The following SECISBP2 variants were observed in gnomAD, a reference collection of about 807,000 sequenced individuals.
The protein encoded by SECISBP2 is selenocysteine insertion sequence-binding protein 2.
In SECISBP2, 96 loss-of-function variants were observed where a neutral mutation model predicts 98.2. The observed-to-expected ratio is 0.98, with a 90% CI of 0.83 to 1.16. SECISBP2 has a LOEUF of 1.16. Ranked by LOEUF, SECISBP2 falls within the 50% of genes most tolerant of loss-of-function variation. SECISBP2 has a pLI of 0.00. For missense variants in SECISBP2, 1,046 were observed against 1,022.9 expected (o/e 1.02, Z -0.31); for synonymous variants, 407 against 370.2 (o/e 1.10, Z -1.14).
chr9:89,340,054 C>G (rs569440081), intron 9 of SECISBP2, 101 bp downstream of exon 9: 1 of 826,382 alleles, frequency 1.2e-6, no homozygotes, highest in African/African-American at 1.7e-5. Context: ...TGTATGGTGA[C>G]AGGTGGTTTT....
chr9:89,341,531 G>A, intron 10 of SECISBP2, 52 bp downstream of exon 10: 1 of 1,603,760 alleles, frequency 6.2e-7, no homozygotes, highest in East Asian at 2.2e-5. Flanking sequence ...TTTTCAGCTA[G>A]ATTATTATGT....
intron 10 of SECISBP2, among the ~76,000 whole-genome samples, chr9:89,342,708 T>C (rs1049325203): frequency 5.9e-5 from 9 of 152,018 alleles, no homozygotes; most frequent in African/African-American, 1.5e-4. Context: ...AAAAGAAATA[T>C]CTGGAATAGG....
chr9:89,364,145 C>G, downstream of SECISBP2: 1 of 1,125,796 alleles, frequency 8.9e-7, no homozygotes, highest in Non-Finnish European at 1.2e-6. Context: ...CTTGGCCCGT[C>G]CTGTGGACTT....
chr9:89,356,926 C>T (rs1377448631), intron 14 of SECISBP2: 2 of 236,626 alleles, frequency 8.5e-6, no homozygotes, highest in Non-Finnish European at 1.7e-5. Flanking sequence ...GTACTCATTT[C>T]ACCTCCATCC....
chr9:89,352,692 A>G (rs2132022191), intron 14 of SECISBP2, among the ~76,000 whole-genome samples: 1 of 151,848 alleles, frequency 6.6e-6, no homozygotes. Flanking sequence ...TCCTCACATT[A>G]TTTGTTTCCT....
rs772557373 is a variant in SECISBP2 at position 89,325,637 on chromosome 9, C to T, written c.393C>T (p.Asn131=). ...AAACAGTGAAGCATCGAAATGAGAA[C>T]ACATGCCCTCTCCCACAAGAAATGA... The part of the protein sequence containing the change: ...GFQTVKHRNE[N]TCPLPQEMKA... The change falls in exon 3 of 17, where the codon AAC becomes AAT. Residue 131 remains asparagine (N), a synonymous_variant. Coordinates refer to ENST00000375807, the MANE Select transcript of SECISBP2 (RefSeq NM_024077.5). 1.2e-6 allele frequency: 2 copies of T among 1,614,154 alleles called. No homozygotes were observed. Among genetic ancestry groups the T allele is most frequent in the South Asian group, 1.1e-5 (1 of 91,078 alleles).
Position 89,346,962 on chromosome 9 carries a change from A to G in SECISBP2, c.1516A>G (p.Asn506Asp), listed in dbSNP as rs888765566. 6.2e-7 allele frequency: 1 copy of G among 1,614,194 alleles called. No homozygotes were observed. The highest frequency in any genetic ancestry group is 8.5e-7 in the Non-Finnish European group (1 of 1,180,032). ...CATGAGTCAAATGAAGACCCCGCAC[A>G]ATCCCTTGGACTCCAGCGCCCCACT... ...RRMSQMKTPHNPLDSSAPLMK... is the reference protein window; with the variant it reads ...RRMSQMKTPHDPLDSSAPLMK... Residue 506 changes from asparagine to aspartate, a missense_variant, in exon 11 of 17, where the codon AAT becomes GAT. Coordinates refer to ENST00000375807, the MANE Select transcript of SECISBP2 (RefSeq NM_024077.5).
downstream of SECISBP2, chr9:89,361,947 C>T (rs1048882320): frequency 4.4e-5 from 8 of 181,640 alleles, no homozygotes; most frequent in South Asian, 3.1e-4. Context: ...ATAAAAGCAG[C>T]GATCTGTGCT....
chr9:89,332,831 T>C, intron 5 of SECISBP2, 77 bp from the exon 6 acceptor site: 1 of 1,159,116 alleles, frequency 8.6e-7, no homozygotes, highest in East Asian at 2.4e-5. Context: ...CAAAGTGTTC[T>C]GGATTTTGAT....
At chr9:89,328,608 T>C (rs544416109) in intron 4 of SECISBP2, 52 bp from the exon 5 acceptor site, 13 of 1,471,486 alleles carry the variant, frequency 8.8e-6, no homozygotes, top group Non-Finnish European at 1.1e-5. Context: ...TGCATACTGG[T>C]CATCAAACAG....
At chr9:89,337,461 A>G (rs937955965) in intron 7 of SECISBP2, among the ~76,000 whole-genome samples, 1 of 152,260 alleles carries the variant, frequency 6.6e-6, no homozygotes, top group African/African-American at 2.4e-5. Flanking sequence ...AGAAACCTTC[A>G]TTAGCAATCT....
chr9:89,357,834 C>T (rs1274838875), intron 15 of SECISBP2, among the ~76,000 whole-genome samples, 165 bp from the exon 16 acceptor site: 3 of 152,206 alleles, frequency 2.0e-5, no homozygotes, highest in Non-Finnish European at 4.4e-5. Flanking sequence ...CGGCCTAGCC[C>T]ACTCTTTCCT....
chr9:89,357,342 T>C, intron 14 of SECISBP2, 69 bp from the exon 15 acceptor site: 3 of 1,565,168 alleles, frequency 1.9e-6, no homozygotes, highest in Admixed American at 1.7e-5. Flanking sequence ...AAAAGCTCTT[T>C]GCAACCAGTA....
intron 7 of SECISBP2, among the ~76,000 whole-genome samples, chr9:89,338,044 T>C (rs1461518539): frequency 3.3e-5 from 5 of 152,204 alleles, no homozygotes; most frequent in African/African-American, 1.2e-4. Context: ...CCCAGGTGTT[T>C]GTCTGAAGGT....
In SECISBP2 at chr9:89,333,425, A is replaced by G. The variant is rs182789213; in HGVS notation, c.880+439A>G. 3.3e-5 allele frequency among the ~76,000 whole-genome samples: 5 copies of G among 152,372 alleles called. No homozygotes were observed. In the East Asian group the frequency reaches 7.7e-4, roughly 23 times the overall value. On this transcript the variant is annotated intron_variant, in intron 6 of 16. Coordinates refer to ENST00000375807, the MANE Select transcript of SECISBP2 (RefSeq NM_024077.5). ...AGCGTATTGCATTTTAAGATAGCATATTTTTAGGAAAACCGTTTTTCAAAA... is the reference window on the plus strand; with the variant it reads ...AGCGTATTGCATTTTAAGATAGCATGTTTTTAGGAAAACCGTTTTTCAAAA...
intron 6 of SECISBP2, chr9:89,334,260 A>T: frequency 1.8e-6 from 2 of 1,114,348 alleles, no homozygotes; most frequent in Non-Finnish European, 2.4e-6. Context: ...CTGTTTGTCT[A>T]CCCACCTCCA....
intron 2 of SECISBP2, chr9:89,322,432 T>G (rs192028628): frequency 7.2e-5 from 11 of 152,368 alleles, no homozygotes; most frequent in Non-Finnish European, 1.6e-4. Flanking sequence ...TTCCACTTCT[T>G]TCATAGTTAC....
At chr9:89,331,850 A>T (rs906742560) in intron 5 of SECISBP2, among the ~76,000 whole-genome samples, 2 of 152,184 alleles carry the variant, frequency 1.3e-5, no homozygotes, top group Non-Finnish European at 2.9e-5. Context: ...CCACAATACT[A>T]TGTGTGGTGT....
chr9:89,360,323 G>A (rs1232579068), downstream of SECISBP2, among the ~76,000 whole-genome samples: 2 of 152,184 alleles, frequency 1.3e-5, no homozygotes, highest in Non-Finnish European at 1.5e-5. Context: ...ATAGCAAGTT[G>A]TGGTAAGTTT....
Sources: gnomAD v4.1 joint callset for allele counts (sites outside exome capture counted in the v4.1 genomes callset) on GRCh38, gnomAD v4.1.1 for gene constraint, MANE v1.5 for transcripts, NCBI Gene and HGNC (gene_info 2026-07-23, HGNC 2026-07-21) for gene names.